Variants in MMUT observed in about 807,000 individuals in gnomAD.
The protein encoded by MMUT is methylmalonyl-CoA mutase, mitochondrial.
A neutral mutation model predicts 79.9 loss-of-function variants in MMUT; 79 were observed. The ratio of observed to expected loss-of-function variants is 0.99; its 90% CI spans 0.82 to 1.19. The LOEUF (loss-of-function observed/expected upper bound fraction) is 1.19. Among genes scored for constraint, MMUT ranks in the 50% most tolerant of loss-of-function variants. The pLI is 0.00. For synonymous variants in MMUT, 273 were observed against 295.7 expected, an observed-to-expected ratio of 0.92 and a Z score of 0.79; for missense variants, 860 against 917.2, an observed-to-expected ratio of 0.94 and a Z score of 0.81.
In MMUT at chr6:49,444,680, A is replaced by G. The variant is rs1767365619; in HGVS notation, c.1635T>C (p.Asp545=). 1 of 1,613,464 alleles carries G rather than the reference A, an allele frequency of 6.2e-7. No individual in the cohort carries two copies. Among genetic ancestry groups the G allele is most frequent in the Non-Finnish European group, 8.5e-7 (1 of 1,179,524 alleles). ...AALTECAASG[D]GNILALAVDA... is the part of the protein sequence containing the mutation. ...CCACTGCAAGAGCCAGGATATTTCC[A>G]TCTCCGCTAGCAGCACATTCGGTTA... Residue 545 remains aspartate, a synonymous_variant, in exon 9 of 13, where the codon GAT becomes GAC. Transcript: ENST00000274813.
At position 49,431,805 on chromosome 6, in the gene MMUT, T is replaced by C; in HGVS notation, c.2176A>G (p.Thr726Ala). ...VGVSNVFGPG[T>A]RIPKAAVQVL... ...TGAACGGCAGCCTTTGGAATTCGAG[T>C]CCCAGGACCAAATACATTGGAAACA... Residue 726 changes from threonine (T) to alanine (A), a missense_variant, in exon 13 of 13, where the codon ACT becomes GCT. Physicochemically the swap from Thr to Ala is moderately conservative, Grantham distance 58. Coordinates refer to ENST00000274813, the MANE Select transcript of MMUT (RefSeq NM_000255.4). 1 of 1,613,826 alleles carries C rather than the reference T, an allele frequency of 6.2e-7. No homozygotes were observed. The highest frequency in any genetic ancestry group is 1.1e-5 in the South Asian group (1 of 91,078).
Position 49,453,653 on chromosome 6 carries a change from G to A in MMUT, c.1015C>T (p.Pro339Ser). ...AGAAGAAGAGATTTTGAGTTTTTAG[G>A]CTGAAACATTTTCTCTATTAAGTGA... is the stretch of plus-strand genomic sequence containing the variant. ...WAHLIEKMFQ[P>S]KNSKSLLLRA... Residue 339 changes from proline to serine, a missense_variant, in exon 5 of 13, where the codon CCT becomes TCT. By Grantham distance (74) the Pro-to-Ser change is moderately conservative. Coordinates refer to ENST00000274813, the MANE Select transcript of MMUT (RefSeq NM_000255.4). 1 of 1,612,962 alleles carries A rather than the reference G, an allele frequency of 6.2e-7. No individual in the cohort carries two copies. The highest frequency in any genetic ancestry group is 1.1e-5 in the South Asian group (1 of 91,014).
chr6:49,437,945 A>G (rs1321284612), intron 11 of MMUT, among the ~76,000 whole-genome samples: 1 of 152,026 alleles, frequency 6.6e-6, no homozygotes, highest in Non-Finnish European at 1.5e-5. Context: ...TCCATATTTT[A>G]GTTATAGTAA....
At chr6:49,457,059 G>C (rs976121538) in intron 3 of MMUT, among the ~76,000 whole-genome samples, 1 of 152,208 alleles carries the variant, frequency 6.6e-6, no homozygotes, top group Non-Finnish European at 1.5e-5. Context: ...AGATAAAAAG[G>C]GTTGATGACG....
intron 2 of MMUT, among the ~76,000 whole-genome samples, chr6:49,458,869 T>C (rs1311754747): frequency 1.3e-5 from 2 of 152,346 alleles, no homozygotes; most frequent in Non-Finnish European, 1.5e-5. Context: ...ACAACGTGCA[T>C]GTGTTGTTTT....
chr6:49,456,790 C>T (rs369988831), intron 3 of MMUT, among the ~76,000 whole-genome samples: 117 of 152,220 alleles, frequency 7.7e-4, no homozygotes, highest in African/African-American at 2.7e-3. Flanking sequence ...AAATGCATGG[C>T]TTTAAAAATC....
Position 49,457,934 on chromosome 6 carries a change from G to C in MMUT, c.510C>G (p.Thr170=), listed in dbSNP as rs752074205. 6.2e-7 allele frequency: 1 copy of C among 1,613,080 alleles called. No individual in the cohort carries two copies. ...AAGGAATTCCATCAAAAAGAATTTTGGTATCTTCCACAGTGTCAATAGCAA... is the reference window on the plus strand; with the variant it reads ...AAGGAATTCCATCAAAAAGAATTTTCGTATCTTCCACAGTGTCAATAGCAA... ...AGVAIDTVED[T]KILFDGIPLE... The change falls in exon 3 of 13, where the codon ACC becomes ACG. Residue 170 remains threonine, a synonymous_variant. Transcript: ENST00000274813.
chr6:49,444,401 T>C (rs540608567), intron 9 of MMUT, among the ~76,000 whole-genome samples: 13 of 152,266 alleles, frequency 8.5e-5, no homozygotes, highest in Admixed American at 2.6e-4. Context: ...TTCATTTCAA[T>C]AGTTTCAAAA....
Position 49,459,225 on chromosome 6 carries a change from A to ACC in MMUT, c.241_242insGG (p.Leu81TrpfsTer9). ...CTTCACTCCTGGAAGTTCTTCAGGT[A>ACC]AGTCCATAGTATCTCTCTTGGAATA... is the stretch of plus-strand genomic sequence containing the variant. On this transcript the variant is annotated frameshift_variant, in exon 2 of 13. Transcript: ENST00000274813. LOFTEE classifies it high-confidence loss of function. 6.2e-7 allele frequency: 1 copy of ACC among 1,614,188 alleles called. No homozygotes were observed. Among genetic ancestry groups the ACC allele is most frequent in the Non-Finnish European group, 8.5e-7 (1 of 1,180,042 alleles).
chr6:49,461,042 G>A (rs9473561), intron 1 of MMUT, among the ~76,000 whole-genome samples: 56,367 of 151,970 alleles, frequency 0.37, 10,716 homozygotes, highest in African/African-American at 0.44. Context: ...TAGGAAAATC[G>A]TAAGTATCTC....
rs1316875713 is a variant in MMUT at position 49,456,174 on chromosome 6, C to T, written c.817G>A (p.Ala273Thr). The part of the protein sequence containing the change: ...GYHMQEAGAD[A>T]ILELAYTLAD... ...AAAGTATAGGCCAGCTCCAGAATGGCATCAGCCCCTGCTTCCTGCATATGG... is the reference window on the plus strand; with the variant it reads ...AAAGTATAGGCCAGCTCCAGAATGGTATCAGCCCCTGCTTCCTGCATATGG... Residue 273 changes from alanine (A) to threonine (T), a missense_variant, in exon 4 of 13, where the codon GCC (alanine) becomes ACC (threonine). Transcript: ENST00000274813. The T allele has an allele frequency of 4.3e-6, 7 of 1,612,274 alleles. No homozygotes were observed. The South Asian group carries it at 5.5e-5, about 13-fold the overall frequency.
At chr6:49,433,057 T>C (rs989480280) in intron 12 of MMUT, among the ~76,000 whole-genome samples, 2 of 152,210 alleles carry the variant, frequency 1.3e-5, no homozygotes, top group Non-Finnish European at 2.9e-5. Context: ...TGTCTCCTTC[T>C]AGTCTGTGAA....
intron 2 of MMUT, among the ~76,000 whole-genome samples, chr6:49,458,864 G>A (rs1239682561): frequency 7.2e-5 from 11 of 151,924 alleles, no homozygotes; most frequent in South Asian, 2.1e-4. Context: ...TTTAAACAAC[G>A]TGCATGTGTT....
At chr6:49,449,585 G>A (rs752076866) in intron 6 of MMUT, among the ~76,000 whole-genome samples, 13 of 152,066 alleles carry the variant, frequency 8.5e-5, no homozygotes, top group Non-Finnish European at 1.6e-4. Flanking sequence ...AAATGAACTC[G>A]AGACACAATG....
intron 5 of MMUT, among the ~76,000 whole-genome samples, chr6:49,452,421 C>T (rs1767577157): frequency 6.6e-6 from 1 of 152,120 alleles, no homozygotes; most frequent in Admixed American, 6.6e-5. Context: ...TAAGCTCTGC[C>T]TCCCGGGTTC....
At chr6:49,451,220 G>A (rs1767542374) in intron 6 of MMUT, among the ~76,000 whole-genome samples, 1 of 152,116 alleles carries the variant, frequency 6.6e-6, no homozygotes, top group African/African-American at 2.4e-5. Flanking sequence ...TTTAATACTA[G>A]CTGTCTTTTT....
chr6:49,436,677 A>G (rs1414097649), intron 11 of MMUT, among the ~76,000 whole-genome samples: 2 of 152,114 alleles, frequency 1.3e-5, no homozygotes, highest in Non-Finnish European at 2.9e-5. Flanking sequence ...AAGACATGGA[A>G]TCAACCTAAA....
At chr6:49,447,030 T>C (rs991076047) in intron 8 of MMUT, among the ~76,000 whole-genome samples, 1 of 151,846 alleles carries the variant, frequency 6.6e-6, no homozygotes, top group Non-Finnish European at 1.5e-5. Flanking sequence ...GTTACAACAG[T>C]GACAATTAAT....
At position 49,431,611 on chromosome 6, in the gene MMUT, G is replaced by C. The variant is rs1766979387; in HGVS notation, c.*117C>G. ...TATAAGTAAGGTATTTTAAAGTAAA[G>C]CTTTCAAGGAAAGTACAAATCAGGT... On this transcript the variant is annotated 3_prime_UTR_variant, in exon 13 of 13. Coordinates refer to ENST00000274813, the MANE Select transcript of MMUT (RefSeq NM_000255.4). 1.8e-6 allele frequency: 2 copies of C among 1,113,734 alleles called. No individual in the cohort carries two copies. Among genetic ancestry groups the C allele is most frequent in the Admixed American group, 3.9e-5 (2 of 50,670 alleles). 69.0% of individuals were successfully genotyped at this position (1,113,734 alleles called of 1,614,324 possible).
Sources: gnomAD v4.1 joint callset for allele counts (sites outside exome capture counted in the v4.1 genomes callset) on GRCh38, gnomAD v4.1.1 for gene constraint, MANE v1.5 for transcripts, NCBI Gene and HGNC (gene_info 2026-07-23, HGNC 2026-07-21) for gene names.